Variants in RGS3 observed in about 807,000 individuals in gnomAD.
RGS3 encodes regulator of G protein signaling 3.
A neutral mutation model predicts 132.6 loss-of-function variants in RGS3; 80 were observed. The ratio of observed to expected loss-of-function variants is 0.60; its 90% confidence interval spans 0.50 to 0.73. The LOEUF (loss-of-function observed/expected upper bound fraction) is 0.73, where lower values mean the gene tolerates loss of function less well. Ranked by LOEUF, RGS3 falls within the 30% of genes least tolerant of loss-of-function variation. The pLI, the probability that RGS3 is intolerant of heterozygous loss-of-function variation, is 0.00. For missense variants in RGS3, 1,382 were observed against 1,530.8 expected (o/e 0.90, Z 1.62); for synonymous variants, 598 against 620.6 (o/e 0.96, Z 0.54).
rs1835449089 is a variant in RGS3 at position 113,591,897 on chromosome 9, CCTT to C, written c.3080+504_3080+506del. 5.9e-6 allele frequency: 1 copy of C among 168,658 alleles called. No homozygotes were observed. The highest frequency in any genetic ancestry group is 1.5e-4 in the South Asian group (1 of 6,896). 10.4% of individuals were successfully genotyped at this position (168,658 alleles called of 1,614,324 possible). On this transcript the variant is annotated intron_variant, in intron 21 of 24. Transcript: ENST00000350696. This position sits in a 1 kb window ranked among gnomAD's most constrained non-coding sequence, Gnocchi z 4.4. ...CCAAGCCTTTCTGGCCACACTCAGG[CCTT>C]CTTATACTATAGGGTGTTTGTTAGA...
At chr9:113,541,165 G>A (rs1026204767) in intron 19 of RGS3, among the ~76,000 whole-genome samples, 11 of 152,158 alleles carry the variant, frequency 7.2e-5, no homozygotes, top group African/African-American at 2.7e-4. Context: ...GGTGAGGTGC[G>A]TGCCACCTTG....
chr9:113,567,683 G>T (rs1165488729), intron 19 of RGS3, among the ~76,000 whole-genome samples: 1 of 152,200 alleles, frequency 6.6e-6, no homozygotes, highest in Non-Finnish European at 1.5e-5. Flanking sequence ...TCCACTCAGG[G>T]GTCATGCTGG....
At chr9:113,464,111 G>A (rs1018523044) in intron 3 of RGS3, among the ~76,000 whole-genome samples, 1 of 152,246 alleles carries the variant, frequency 6.6e-6, no homozygotes, top group East Asian at 1.9e-4. Context: ...TGCCAACTGC[G>A]GTTGGTTCTG....
At chr9:113,447,265 G>GA (rs60192215) in intron 1 of RGS3, among the ~76,000 whole-genome samples, 1,332 of 53,394 alleles carry the variant, frequency 0.025, 61 homozygotes, top group African/African-American at 0.076. Flanking sequence ...CTGTCTCAAA[G>GA]AAAAAAAAAA....
chr9:113,577,319 T>C (rs906587815), intron 19 of RGS3, among the ~76,000 whole-genome samples: 10 of 152,184 alleles, frequency 6.6e-5, no homozygotes, highest in African/African-American at 2.4e-4. Flanking sequence ...CTTTAGAAAT[T>C]AGTGCAAAGT....
intron 19 of RGS3, chr9:113,581,729 C>G (rs1834821623): frequency 6.6e-6 from 1 of 152,324 alleles, no homozygotes; most frequent in South Asian, 2.1e-4. Context: ...TGGGCCTCAG[C>G]CTTTCTGTCT....
At chr9:113,447,329 G>GTGTGTA (rs1554751009) in intron 1 of RGS3, among the ~76,000 whole-genome samples, 2 of 27,558 alleles carry the variant, frequency 7.3e-5, no homozygotes, top group Non-Finnish European at 7.5e-5. Flanking sequence ...GTATGTATAT[G>GTGTGTA]TATATATATA....
chr9:113,526,324 C>T (rs1832206232), intron 17 of RGS3, among the ~76,000 whole-genome samples: 1 of 152,204 alleles, frequency 6.6e-6, no homozygotes, highest in South Asian at 2.1e-4. Context: ...AGCATGTCCT[C>T]AGAACCCACA....
intron 3 of RGS3, among the ~76,000 whole-genome samples, chr9:113,470,230 G>A (rs556355047): frequency 6.6e-6 from 1 of 152,148 alleles, no homozygotes; most frequent in Non-Finnish European, 1.5e-5. Context: ...CAGCAGTTGG[G>A]TGCAGTGTTC....
chr9:113,589,465 C>G (rs914890564), intron 20 of RGS3, among the ~76,000 whole-genome samples: 6 of 152,204 alleles, frequency 3.9e-5, no homozygotes, highest in Non-Finnish European at 7.3e-5. Context: ...TCAGTCCCTG[C>G]TGAAGACACT....
Position 113,506,562 on chromosome 9 carries a change from T to C in RGS3, c.1085+69T>C. On this transcript the variant is annotated intron_variant, in intron 12 of 24. Transcript: ENST00000350696. The surrounding 1 kb of genome is among the most constrained non-coding windows in gnomAD (Gnocchi z 4.7). ...ACACCCTCCCCACCCCTGGGCACAC[T>C]GCCTTGCCTGGCCCAGCTCTTGCTG... 9.6e-7 allele frequency: 1 copy of C among 1,036,388 alleles called. No individual in the cohort carries two copies. The highest frequency in any genetic ancestry group is 1.5e-6 in the Non-Finnish European group (1 of 682,104). The allele number at this position is 1,036,388 out of a possible 1,614,324, so 64.2% of individuals were successfully genotyped here. A position where few individuals can be genotyped will look rare whatever the true frequency, so the allele number is the denominator to read the frequency against.
intron 14 of RGS3, among the ~76,000 whole-genome samples, chr9:113,508,988 C>G (rs1173813969): frequency 6.6e-6 from 1 of 152,076 alleles, no homozygotes; most frequent in African/African-American, 2.4e-5. Flanking sequence ...TGACTTTGAG[C>G]AAATCATGTC....
chr9:113,535,697 G>T (rs7028229), intron 18 of RGS3, among the ~76,000 whole-genome samples: 1 of 151,728 alleles, frequency 6.6e-6, no homozygotes, highest in African/African-American at 2.4e-5. Flanking sequence ...ATGAGAAAGG[G>T]CTGGATAGAA....
At chr9:113,550,696 T>G (rs1411968112) in intron 19 of RGS3, among the ~76,000 whole-genome samples, 1 of 152,254 alleles carries the variant, frequency 6.6e-6, no homozygotes, top group Non-Finnish European at 1.5e-5. Flanking sequence ...TGTTACATTT[T>G]TAAATAGGTT....
At chr9:113,484,149 C>T (rs1004639867) in exon 6 of RGS3, 3 of 1,607,302 alleles carry the variant, frequency 1.9e-6, no homozygotes, top group African/African-American at 1.3e-5. Context: ...TTTCTTTGAT[C>T]CCTGAAGATA....
upstream of RGS3, among the ~76,000 whole-genome samples, chr9:113,459,003 G>T (rs1305241053): frequency 1.3e-5 from 2 of 152,108 alleles, no homozygotes; most frequent in African/African-American, 4.8e-5. Context: ...CATCCATCTT[G>T]GTCTCCCAAA....
At chr9:113,462,996 A>G (rs1829512673) in intron 3 of RGS3, among the ~76,000 whole-genome samples, 1 of 152,240 alleles carries the variant, frequency 6.6e-6, no homozygotes, top group African/African-American at 2.4e-5. Context: ...AAAGCAGCAA[A>G]GCAGGGTTTG....
At chr9:113,490,412 AT>A (rs1478630584) in intron 7 of RGS3, among the ~76,000 whole-genome samples, 2 of 152,048 alleles carry the variant, frequency 1.3e-5, no homozygotes, top group Non-Finnish European at 2.9e-5. Flanking sequence ...TTTAAAAAAA[AT>A]CATGATGACA....
intron 19 of RGS3, among the ~76,000 whole-genome samples, chr9:113,578,964 A>G (rs1834659576): frequency 6.6e-6 from 1 of 152,224 alleles, no homozygotes; most frequent in African/African-American, 2.4e-5. Flanking sequence ...CACAGCTAGC[A>G]AATGATGGAG....
Sources: allele counts gnomAD v4.1 joint callset (sites outside exome capture counted in the v4.1 genomes callset), GRCh38; gene constraint gnomAD v4.1.1; non-coding constraint Gnocchi (gnomAD v3.1); transcripts MANE v1.5; gene names NCBI Gene and HGNC (gene_info 2026-07-23, HGNC 2026-07-21).